Variants in RNF180 observed in about 807,000 individuals in gnomAD.
RNF180 encodes the protein ring finger protein 180, also known as E3 ubiquitin-protein ligase RNF180.
A neutral mutation model predicts 59.2 loss-of-function variants in RNF180; 38 were observed. The ratio of observed to expected loss-of-function variants is 0.64; its 90% confidence interval spans 0.50 to 0.84. The LOEUF (loss-of-function observed/expected upper bound fraction) is 0.84, where lower values mean the gene tolerates loss of function less well. Among genes scored for constraint, RNF180 ranks in the 40% least tolerant of loss-of-function variants. The pLI is 0.00. For missense variants in RNF180, 705 were observed against 700.9 expected (o/e 1.01, Z -0.07); for synonymous variants, 262 against 240.3 (o/e 1.09, Z -0.84).
chr5:64,257,847 C>G (rs1347172706), intron 5 of RNF180, among the ~76,000 whole-genome samples: 1 of 152,106 alleles, frequency 6.6e-6, no homozygotes, highest in African/African-American at 2.4e-5. Context: ...AGAAAGTTAA[C>G]AAGGATATAC....
intron 7 of RNF180, among the ~76,000 whole-genome samples, chr5:64,339,397 A>T (rs182422773): frequency 6.6e-6 from 1 of 150,824 alleles, no homozygotes; most frequent in Non-Finnish European, 1.5e-5. Flanking sequence ...TTTATTCTTC[A>T]TTTCTAATTA....
Position 64,238,749 on chromosome 5 carries a change from A to G in RNF180, c.1227+21353A>G, listed in dbSNP as rs147951320. 4.1e-4 allele frequency among the ~76,000 whole-genome samples: 63 copies of G among 152,310 alleles called. 1 individual carries two copies. The highest frequency in any genetic ancestry group is 7.1e-4 in the Non-Finnish European group (48 of 68,014). ...TGGAGATTAACCCCTTATCAGAGAT[A>G]TGGTTTGCAAATATGTTCTCCCTTT... On this transcript the variant is annotated intron_variant, in intron 5 of 7. Transcript: ENST00000389100.
chr5:64,278,023 G>C (rs566565498), intron 5 of RNF180, among the ~76,000 whole-genome samples: 5 of 152,128 alleles, frequency 3.3e-5, no homozygotes, highest in African/African-American at 9.7e-5. Flanking sequence ...GCCTTAATCA[G>C]TATTATATTT....
At chr5:64,367,128 G>C (rs1746482842) in intron 7 of RNF180, among the ~76,000 whole-genome samples, 1 of 151,554 alleles carries the variant, frequency 6.6e-6, no homozygotes, top group Non-Finnish European at 1.5e-5. Flanking sequence ...TTTTCCTTCA[G>C]AATTGAAGGA....
chr5:64,321,303 C>T (rs1415215620), intron 5 of RNF180, among the ~76,000 whole-genome samples: 1 of 152,144 alleles, frequency 6.6e-6, no homozygotes, highest in Non-Finnish European at 1.5e-5. Context: ...CCTCCTTAAG[C>T]TGATAAGCAA....
chr5:64,231,941 G>A (rs905635038), intron 5 of RNF180, among the ~76,000 whole-genome samples: 5 of 152,142 alleles, frequency 3.3e-5, no homozygotes, highest in African/African-American at 7.2e-5. Context: ...TATTTTAAGT[G>A]ACCAGTCTTT....
At chr5:64,367,774 T>G (rs990064729) in intron 7 of RNF180, among the ~76,000 whole-genome samples, 1 of 151,672 alleles carries the variant, frequency 6.6e-6, no homozygotes, top group African/African-American at 2.4e-5. Flanking sequence ...AGAACTTTTA[T>G]CACCATAGTT....
intron 5 of RNF180, among the ~76,000 whole-genome samples, chr5:64,238,913 G>A (rs1742611753): frequency 6.6e-6 from 1 of 152,050 alleles, no homozygotes; most frequent in South Asian, 2.1e-4. Context: ...TTCCTAAGGA[G>A]ACCCTGAAGT....
Position 64,212,104 on chromosome 5 carries a change from G to A in RNF180, c.175G>A (p.Val59Met), listed in dbSNP as rs759281787. Residue 59 changes from valine to methionine, a missense_variant, in exon 3 of 8, where the codon GTG becomes ATG. By Grantham distance (21) the Val-to-Met change is conservative. Coordinates refer to ENST00000389100, the MANE Select transcript of RNF180 (RefSeq NM_001113561.2). ...AGTTGATGCTCAAAATATTTGTCAT[G>A]TGTGGCACATGAATGTAGAAGCCCT... ...DSVDAQNICH[V>M]WHMNVEALPE... 4.4e-6 allele frequency: 7 copies of A among 1,608,184 alleles called. No homozygotes were observed. Among genetic ancestry groups the A allele is most frequent in the Non-Finnish European group, 5.1e-6 (6 of 1,174,888 alleles).
intron 7 of RNF180, among the ~76,000 whole-genome samples, chr5:64,364,363 A>T (rs1380945097): frequency 1.3e-5 from 2 of 151,738 alleles, no homozygotes; most frequent in Non-Finnish European, 3.0e-5. Context: ...TGTTTATGTG[A>T]CAAATCACAT....
chr5:64,356,078 A>G (rs1417521843), intron 7 of RNF180, among the ~76,000 whole-genome samples: 1 of 151,734 alleles, frequency 6.6e-6, no homozygotes, highest in African/African-American at 2.4e-5. Context: ...CAACATAACA[A>G]GACCCTGTCT....
At chr5:64,239,730 A>T (rs148230119) in intron 5 of RNF180, among the ~76,000 whole-genome samples, 1 of 152,274 alleles carries the variant, frequency 6.6e-6, no homozygotes, top group African/African-American at 2.4e-5. Context: ...TAATAAATAT[A>T]TCTCCTTGGA....
rs536947960 is a variant in RNF180, at chr5:64,262,528, G to A, written c.1227+45132G>A. Among the ~76,000 whole-genome samples, 15 of 152,190 alleles carry A rather than the reference G, an allele frequency of 9.9e-5. 2 individuals are homozygous for A. Among genetic ancestry groups the A allele is most frequent in the African/African-American group, 3.6e-4 (15 of 41,544 alleles). On this transcript the variant is annotated intron_variant, in intron 5 of 7. Coordinates refer to ENST00000389100, the MANE Select transcript of RNF180 (RefSeq NM_001113561.2). ...TAGAGTCCAAACTACCAATGAGTGT[G>A]AATTTGAAATATGTGTGATTTACCA...
intron 5 of RNF180, among the ~76,000 whole-genome samples, chr5:64,321,967 C>A (rs906448313): frequency 7.9e-5 from 12 of 152,140 alleles, no homozygotes; most frequent in African/African-American, 2.9e-4. Flanking sequence ...ATGCAGAAAA[C>A]AAACTGGACT....
intron 1 of RNF180, among the ~76,000 whole-genome samples, chr5:64,175,570 T>C (rs1252045571): frequency 6.6e-6 from 1 of 152,212 alleles, no homozygotes; most frequent in Non-Finnish European, 1.5e-5. Context: ...GCTTTATTCT[T>C]TTTGCTCAAG....
chr5:64,341,043 A>T (rs1477000528), intron 7 of RNF180, among the ~76,000 whole-genome samples: 3 of 152,120 alleles, frequency 2.0e-5, no homozygotes, highest in Non-Finnish European at 4.4e-5. Flanking sequence ...CTTGCTTGTT[A>T]ATTCCATATG....
chr5:64,349,373 T>G (rs540744143), intron 7 of RNF180, among the ~76,000 whole-genome samples: 1 of 152,066 alleles, frequency 6.6e-6, no homozygotes, highest in East Asian at 1.9e-4. Context: ...TAATTGCCAT[T>G]GTAATAATAA....
In RNF180 at chr5:64,269,292, C is replaced by T. The variant is rs560095865; in HGVS notation, c.1227+51896C>T. On this transcript the variant is annotated intron_variant, in intron 5 of 7. Transcript: ENST00000389100. ...CTGTCACCTGGACTGGAGTGCAGTG[C>T]AGTGGCACAGTCATTGCTCACTGCA... 2.0e-5 allele frequency among the ~76,000 whole-genome samples: 3 copies of T among 152,222 alleles called. No homozygotes were observed. The South Asian group carries it at 6.2e-4, about 32-fold the overall frequency.
chr5:64,217,300 A>C, intron 4 of RNF180, 61 bp from the exon 5 acceptor site: 1 of 1,324,830 alleles, frequency 7.5e-7, no homozygotes, highest in Non-Finnish European at 9.7e-7. Context: ...AATTATGAAT[A>C]GAACTTTTAC....
Sources: allele counts gnomAD v4.1 joint callset (sites outside exome capture counted in the v4.1 genomes callset), GRCh38; gene constraint gnomAD v4.1.1; transcripts MANE v1.5; gene names NCBI Gene and HGNC (gene_info 2026-07-23, HGNC 2026-07-21).